Variants in GRIK4 observed in about 807,000 individuals in gnomAD.
The protein encoded by GRIK4 is glutamate receptor ionotropic, kainate 4.
In GRIK4, 40 loss-of-function variants were observed where a neutral mutation model predicts 104.9. The observed-to-expected ratio is 0.38, with a 90% CI of 0.30 to 0.50. The LOEUF (loss-of-function observed/expected upper bound fraction) is 0.50. Ranked by LOEUF, GRIK4 falls within the 20% of genes least tolerant of loss-of-function variation. GRIK4 has a pLI of 0.93. For missense variants in GRIK4, 1,047 were observed against 1,308.1 expected (o/e 0.80, Z 3.08); for synonymous variants, 485 against 524.9 (o/e 0.92, Z 1.04).
chr11:120,721,489 C>T (rs1262983851), intron 3 of GRIK4, among the ~76,000 whole-genome samples: 2 of 152,124 alleles, frequency 1.3e-5, no homozygotes, highest in Non-Finnish European at 2.9e-5. Flanking sequence ...TGCCACGCCA[C>T]GGGGAGCCAC....
chr11:120,727,895 G>A (rs1370850148), intron 3 of GRIK4, among the ~76,000 whole-genome samples: 1 of 152,070 alleles, frequency 6.6e-6, no homozygotes, highest in Non-Finnish European at 1.5e-5. Flanking sequence ...AATTAAGAAT[G>A]TGATAAATAT....
intron 9 of GRIK4, among the ~76,000 whole-genome samples, chr11:120,863,547 T>C (rs1230577484): frequency 6.6e-6 from 1 of 152,172 alleles, no homozygotes; most frequent in African/African-American, 2.4e-5. Flanking sequence ...AGTGAGTGAG[T>C]GAGTCAGGCG....
chr11:120,776,794 G>C (rs1268279479), intron 3 of GRIK4, among the ~76,000 whole-genome samples: 2 of 152,228 alleles, frequency 1.3e-5, no homozygotes, highest in Non-Finnish European at 2.9e-5. Context: ...GTTGGCTGGA[G>C]GCCTTAGCAC....
chr11:120,639,117 C>A (rs1325671362), intron 1 of GRIK4, among the ~76,000 whole-genome samples: 4 of 152,036 alleles, frequency 2.6e-5, no homozygotes, highest in Non-Finnish European at 5.9e-5. Flanking sequence ...ATTGCCTGAA[C>A]CATGAAGCGG....
At chr11:120,674,107 C>T (rs2000868) in intron 3 of GRIK4, among the ~76,000 whole-genome samples, 88,320 of 152,052 alleles carry the variant, frequency 0.58, 26,959 homozygotes, top group African/African-American at 0.77. Context: ...TCCAGAGATG[C>T]ACCATTAGTG....
intron 1 of GRIK4, among the ~76,000 whole-genome samples, chr11:120,613,162 G>A (rs549661202): frequency 1.8e-4 from 27 of 152,324 alleles, no homozygotes; most frequent in African/African-American, 6.3e-4. Flanking sequence ...GAGTTGGAGA[G>A]ACCAAAGTTC....
chr11:120,596,940 G>A (rs1948809525), intron 1 of GRIK4, among the ~76,000 whole-genome samples: 1 of 152,174 alleles, frequency 6.6e-6, no homozygotes, highest in African/African-American at 2.4e-5. Flanking sequence ...GGCCAGGCTA[G>A]TCTTGAACTC....
At chr11:120,633,456 G>T (rs576997780) in intron 1 of GRIK4, among the ~76,000 whole-genome samples, 1 of 152,186 alleles carries the variant, frequency 6.6e-6, no homozygotes. Context: ...GTGTGTGCTC[G>T]CATGCACCTG....
intron 15 of GRIK4, among the ~76,000 whole-genome samples, chr11:120,955,264 C>T: frequency 6.6e-6 from 1 of 152,188 alleles, no homozygotes; most frequent in East Asian, 1.9e-4. Flanking sequence ...AGAGTGCCAG[C>T]CAGCTCCTCG....
In GRIK4 at chr11:120,524,094, T is replaced by C. The variant is rs1367857110; in HGVS notation, c.-159+12207T>C. ...GGCGCACACCACCATGCCTGGCTAATTTTTTGTATTTTAATAGAGACAGGG... is the reference window on the plus strand; with the variant it reads ...GGCGCACACCACCATGCCTGGCTAACTTTTTGTATTTTAATAGAGACAGGG... On this transcript the variant is annotated intron_variant, in intron 1 of 20. Coordinates refer to ENST00000527524, the MANE Select transcript of GRIK4 (RefSeq NM_014619.5). This position sits in a 1 kb window ranked among gnomAD's most constrained non-coding sequence, Gnocchi z 4.5. Among the ~76,000 whole-genome samples the C allele has an allele frequency of 6.6e-6, 1 of 151,998 alleles. No individual in the cohort carries two copies. Among genetic ancestry groups the C allele is most frequent in the Non-Finnish European group, 1.5e-5 (1 of 68,000 alleles).
intron 12 of GRIK4, among the ~76,000 whole-genome samples, chr11:120,899,717 T>C (rs1299197992): frequency 6.6e-6 from 1 of 152,218 alleles, no homozygotes; most frequent in African/African-American, 2.4e-5. Flanking sequence ...ACTACATGTA[T>C]TAAGCAGTAA....
At chr11:120,726,834 T>C (rs1951034740) in intron 3 of GRIK4, among the ~76,000 whole-genome samples, 1 of 152,158 alleles carries the variant, frequency 6.6e-6, no homozygotes, top group African/African-American at 2.4e-5. Flanking sequence ...GCATGGTTTG[T>C]GGATCTTCCC....
chr11:120,926,811 T>A (rs1305715127), intron 13 of GRIK4, among the ~76,000 whole-genome samples: 20 of 152,200 alleles, frequency 1.3e-4, no homozygotes, highest in Non-Finnish European at 2.8e-4. Flanking sequence ...TTCCTGAAGA[T>A]GGCACTCTAG....
chr11:120,853,280 T>C (rs1274599943), intron 8 of GRIK4, among the ~76,000 whole-genome samples: 1 of 152,188 alleles, frequency 6.6e-6, no homozygotes, highest in Admixed American at 6.5e-5. Flanking sequence ...AAGGGGTTTC[T>C]GTCCTGTATT....
At chr11:120,689,332 A>G (rs1950321624) in intron 3 of GRIK4, among the ~76,000 whole-genome samples, 1 of 151,964 alleles carries the variant, frequency 6.6e-6, no homozygotes, top group African/African-American at 2.4e-5. Flanking sequence ...TGTTGAACCC[A>G]TGCTTTTCTT....
In GRIK4 at chr11:120,660,413, C is replaced by T. The variant is rs200560956; in HGVS notation, c.82+13C>T. On this transcript the variant is annotated intron_variant, in intron 3 of 20. Transcript: ENST00000527524. ...TCCTTGAGGATCGGTAAGTGTGGCCCAGCTTGGGGCAGTGCCCCCACCCAC... is the reference window on the plus strand; with the variant it reads ...TCCTTGAGGATCGGTAAGTGTGGCCTAGCTTGGGGCAGTGCCCCCACCCAC... 34 of 1,596,390 alleles carry T rather than the reference C, an allele frequency of 2.1e-5. No individual in the cohort carries two copies. In the African/African-American group the frequency reaches 4.2e-4, roughly 19 times the overall value.
intron 1 of GRIK4, among the ~76,000 whole-genome samples, chr11:120,640,106 G>C (rs1186701995): frequency 6.6e-6 from 1 of 152,192 alleles, no homozygotes; most frequent in East Asian, 1.9e-4. Context: ...ATGCAAGAAA[G>C]AACTTGGGGC....
In GRIK4 at chr11:120,967,461, G is replaced by T; in HGVS notation, c.2395+138G>T. ...TTGGAAGGAACCTAGGTATAAAGTGGGCTGGCGGGGGATCAGGTCTGTCCC... is the reference window on the plus strand; with the variant it reads ...TTGGAAGGAACCTAGGTATAAAGTGTGCTGGCGGGGGATCAGGTCTGTCCC... On this transcript the variant is annotated intron_variant, in intron 19 of 20. Transcript: ENST00000527524. This position sits in a 1 kb window ranked among gnomAD's most constrained non-coding sequence, Gnocchi z 4.2. 1 of 837,488 alleles carries T rather than the reference G, an allele frequency of 1.2e-6. No individual in the cohort carries two copies. The highest frequency in any genetic ancestry group is 1.8e-6 in the Non-Finnish European group (1 of 561,502). The allele number at this position is 837,488 out of a possible 1,614,324, so 51.9% of individuals were successfully genotyped here. A position where few individuals can be genotyped will look rare whatever the true frequency, so the allele number is the denominator to read the frequency against.
At chr11:120,705,476 T>C (rs894370658) in intron 3 of GRIK4, among the ~76,000 whole-genome samples, 2 of 152,186 alleles carry the variant, frequency 1.3e-5, no homozygotes, top group Non-Finnish European at 2.9e-5. Context: ...TTTGCCCACC[T>C]TGGACTCCCA....
Sources: gnomAD v4.1 joint callset for allele counts (sites outside exome capture counted in the v4.1 genomes callset) on GRCh38, gnomAD v4.1.1 for gene constraint, Gnocchi (gnomAD v3.1) non-coding constraint, MANE v1.5 for transcripts, NCBI Gene and HGNC (gene_info 2026-07-23, HGNC 2026-07-21) for gene names.